The following PRELID2 variants were observed in gnomAD, a reference collection of about 807,000 sequenced individuals.
The protein encoded by PRELID2 is PRELI domain containing 2.
In PRELID2, 25 loss-of-function variants were observed where a neutral mutation model predicts 28.4. That is an observed-to-expected ratio of 0.88 (90% confidence interval 0.64 to 1.23). The LOEUF is 1.23. Ranked by LOEUF, PRELID2 falls within the 50% of genes most tolerant of loss-of-function variation. The probability of loss-of-function intolerance (pLI) is 0.00; values close to 1 mark genes in which losing one functional copy is unlikely to be tolerated. For missense variants in PRELID2, 201 were observed against 214.4 expected (o/e 0.94, Z 0.39); for synonymous variants, 76 against 71.6 (o/e 1.06, Z -0.31).
At chr5:145,612,274 T>C (rs1204586924) in intron 1 of PRELID2, among the ~76,000 whole-genome samples, 1 of 152,116 alleles carries the variant, frequency 6.6e-6, no homozygotes, top group East Asian at 1.9e-4. Flanking sequence ...ACTTATATAA[T>C]CTTAAAGGAA....
chr5:145,297,828 G>C, the PRELID2 span, among the ~76,000 whole-genome samples: 8 of 151,842 alleles, frequency 5.3e-5, no homozygotes, highest in African/African-American at 1.9e-4. Context: ...ACCAATAACA[G>C]ACAAACAGAG....
the PRELID2 span, among the ~76,000 whole-genome samples, chr5:145,273,810 C>T: frequency 6.6e-6 from 1 of 152,036 alleles, no homozygotes; most frequent in Admixed American, 6.6e-5. Context: ...AAAGCTTCCT[C>T]CAGAAGGTGG....
chr5:145,248,591 G>C, the PRELID2 span, among the ~76,000 whole-genome samples: 1 of 129,094 alleles, frequency 7.7e-6, no homozygotes, highest in Non-Finnish European at 1.6e-5. Context: ...TCAAGAGATC[G>C]ATCGAGAACA....
chr5:145,370,193 C>T, the PRELID2 span, among the ~76,000 whole-genome samples: 20 of 152,160 alleles, frequency 1.3e-4, no homozygotes, highest in African/African-American at 2.9e-4. Context: ...GAAGCCTTTG[C>T]GCATGCCTAT....
chr5:145,565,241 A>G (rs1752955145), intron 1 of PRELID2, among the ~76,000 whole-genome samples: 1 of 152,230 alleles, frequency 6.6e-6, no homozygotes, highest in South Asian at 2.1e-4. Flanking sequence ...GCCTGTGTCC[A>G]GCAAAGGAAG....
At chr5:145,445,095 A>C in the PRELID2 span, among the ~76,000 whole-genome samples, 1 of 152,112 alleles carries the variant, frequency 6.6e-6, no homozygotes, top group African/African-American at 2.4e-5. Context: ...CAAAAAGAAG[A>C]AAGCCAGAGG....
intron 1 of PRELID2, among the ~76,000 whole-genome samples, chr5:145,622,268 A>G (rs970247447): frequency 6.6e-6 from 1 of 152,148 alleles, no homozygotes; most frequent in African/African-American, 2.4e-5. Context: ...TTGCACAACT[A>G]TGTGAACATA....
chr5:145,555,565 T>C (rs764592775), intron 1 of PRELID2, among the ~76,000 whole-genome samples: 3 of 152,226 alleles, frequency 2.0e-5, no homozygotes, highest in Non-Finnish European at 4.4e-5. Context: ...GCCCAGCTGA[T>C]TGGACCAGGA....
At chr5:145,572,077 C>T (rs1349926434) in intron 1 of PRELID2, among the ~76,000 whole-genome samples, 1 of 152,004 alleles carries the variant, frequency 6.6e-6, no homozygotes, top group Non-Finnish European at 1.5e-5. Flanking sequence ...TAATAAGAAC[C>T]TTGGTCTCCA....
chr5:145,300,798 G>GT, the PRELID2 span, among the ~76,000 whole-genome samples: 5 of 138,638 alleles, frequency 3.6e-5, no homozygotes, highest in South Asian at 2.2e-4. Context: ...CTTTCCTTCT[G>GT]TTTTTTGCCA....
the PRELID2 span, among the ~76,000 whole-genome samples, chr5:145,444,638 T>G: frequency 6.6e-5 from 10 of 151,958 alleles, no homozygotes; most frequent in African/African-American, 2.4e-4. Context: ...GCCCCCTCCC[T>G]TTTTTTGACT....
intron 1 of PRELID2, among the ~76,000 whole-genome samples, chr5:145,478,200 A>C (rs1403466597): frequency 6.6e-6 from 1 of 152,164 alleles, no homozygotes; most frequent in Non-Finnish European, 1.5e-5. Flanking sequence ...GGCTAGTTCA[A>C]ATAGAGCTGT....
the PRELID2 span, among the ~76,000 whole-genome samples, chr5:145,416,489 A>T: frequency 6.6e-6 from 1 of 151,960 alleles, no homozygotes; most frequent in Non-Finnish European, 1.5e-5. Context: ...CAACCTACAA[A>T]ATGGGAGAAA....
chr5:145,355,741 A>G, the PRELID2 span, among the ~76,000 whole-genome samples: 1 of 152,132 alleles, frequency 6.6e-6, no homozygotes, highest in Non-Finnish European at 1.5e-5. Context: ...AATTTCTACC[A>G]TTTACTAATA....
the PRELID2 span, among the ~76,000 whole-genome samples, chr5:145,373,530 T>C: frequency 8.8e-3 from 146 of 16,536 alleles, 20 homozygotes; most frequent in African/African-American, 0.037. Flanking sequence ...TATATGATAT[T>C]ATATATTACA....
At chr5:145,334,250 T>C in the PRELID2 span, among the ~76,000 whole-genome samples, 4,207 of 152,304 alleles carry the variant, frequency 0.028, 192 homozygotes, top group African/African-American at 0.096. Flanking sequence ...AAATTATTTT[T>C]TGGTTACTAT....
intron 1 of PRELID2, chr5:145,825,968 T>C (rs1755167163): frequency 1.1e-6 from 1 of 949,054 alleles, no homozygotes; most frequent in Non-Finnish European, 1.3e-6. Context: ...GAGGGAAGGC[T>C]TCTCAGAGGT....
intron 4 of PRELID2, among the ~76,000 whole-genome samples, chr5:145,809,100 G>A (rs1455522080): frequency 4.8e-5 from 7 of 146,686 alleles, no homozygotes; most frequent in Admixed American, 2.1e-4. Flanking sequence ...GCAGTGGTGC[G>A]ATCTGGGTTC....
chr5:145,307,529 A>G, the PRELID2 span, among the ~76,000 whole-genome samples: 1 of 152,234 alleles, frequency 6.6e-6, no homozygotes, highest in Non-Finnish European at 1.5e-5. Context: ...TGGGAAATAG[A>G]GTATAATAGC....
Sources: allele counts gnomAD v4.1 joint callset (sites outside exome capture counted in the v4.1 genomes callset), GRCh38; gene constraint gnomAD v4.1.1; transcripts MANE v1.5; gene names NCBI Gene and HGNC (gene_info 2026-07-23, HGNC 2026-07-21).